Variants in TRAPPC11 observed in about 807,000 individuals in gnomAD.
TRAPPC11 encodes foie gras homolog.
A neutral mutation model predicts 151.2 loss-of-function variants in TRAPPC11; 104 were observed. The ratio of observed to expected loss-of-function variants is 0.69; its 90% CI spans 0.59 to 0.81. The LOEUF (loss-of-function observed/expected upper bound fraction) is 0.81. Among genes scored for constraint, TRAPPC11 ranks in the 30% least tolerant of loss-of-function variants. TRAPPC11 has a pLI of 0.00. For synonymous variants in TRAPPC11, 456 were observed against 472.3 expected (o/e 0.97, Z 0.45); for missense variants, 1,230 against 1,349.6 (o/e 0.91, Z 1.39).
chr4:183,668,000 C>T lies in TRAPPC11; in HGVS notation c.446-3C>T. 6.5e-7 allele frequency: 1 copy of T among 1,549,746 alleles called. No homozygotes were observed. Among genetic ancestry groups the T allele is most frequent in the Non-Finnish European group, 8.9e-7 (1 of 1,122,390 alleles). ...CATTCATCTTGATGGGGATTATCAA[C>T]AGGAGAAGATGTCATTGCTTCAGAA... On this transcript the variant is annotated splice_region_variant and splice_polypyrimidine_tract_variant and intron_variant, in intron 4 of 29. Coordinates refer to ENST00000334690, the MANE Select transcript of TRAPPC11 (RefSeq NM_021942.6).
At chr4:183,684,968 T>C in intron 15 of TRAPPC11, 116 bp from the exon 16 acceptor site, 11 of 1,289,840 alleles carry the variant, frequency 8.5e-6, no homozygotes, top group Non-Finnish European at 1.2e-5. Flanking sequence ...CAAATCACTG[T>C]GCTTAGTCAT....
Position 183,706,829 on chromosome 4 carries a change from CAG to C in TRAPPC11, c.3083_3084del (p.Glu1028ValfsTer11), listed in dbSNP as rs993274033. ...NADLPSFGRV[R>X]ESLPVKYHLQ... ...TAGATCTGCCGTCATTTGGGCGTGT[CAG>C]AGAGTCGTTACCTGTCAAGTATCAC... On this transcript the variant is annotated frameshift_variant, in exon 28 of 30. Coordinates refer to ENST00000334690, the MANE Select transcript of TRAPPC11 (RefSeq NM_021942.6). LOFTEE classifies it high-confidence loss of function. 2 of 1,613,432 alleles carry C rather than the reference CAG, an allele frequency of 1.2e-6. No individual in the cohort carries two copies. The highest frequency in any genetic ancestry group is 1.3e-5 in the African/African-American group (1 of 74,844).
chr4:183,662,001 C>G (rs1734576709), intron 1 of TRAPPC11, among the ~76,000 whole-genome samples: 1 of 151,910 alleles, frequency 6.6e-6, no homozygotes, highest in African/African-American at 2.4e-5. Flanking sequence ...CTGGCCTCAA[C>G]AATCCTCTGG....
chr4:183,706,864 A>G lies in TRAPPC11; in HGVS notation c.3113A>G (p.Asn1038Ser), dbSNP rs1221500337. Residue 1038 changes from asparagine (N) to serine (S), a missense_variant, in exon 28 of 30, where the codon AAT becomes AGT. Transcript: ENST00000334690. ...TTACCTGTCAAGTATCACCTACAGA[A>G]TAAGACCGACTTAGTTCAAGATGTA... is the stretch of plus-strand genomic sequence containing the variant. Reference protein sequence around the residue: ...ESLPVKYHLQNKTDLVQDVEI... With the variant: ...ESLPVKYHLQSKTDLVQDVEI... The G allele has an allele frequency of 6.2e-7, 1 of 1,614,154 alleles. No homozygotes were observed. Among genetic ancestry groups the G allele is most frequent in the South Asian group, 1.1e-5 (1 of 91,078 alleles).
rs762184184 is a variant in TRAPPC11 at position 183,706,788 on chromosome 4, GTGTCA to G, written c.3056-17_3056-13del. 6.2e-7 allele frequency: 1 copy of G among 1,603,810 alleles called. No individual in the cohort carries two copies. Among genetic ancestry groups the G allele is most frequent in the South Asian group, 1.1e-5 (1 of 89,674 alleles). ...AGCTATTTTTTAAACCAAGAGAAGT[GTGTCA>G]TCTTTCTCTGTAGATCTGCCGTCAT... On this transcript the variant is annotated splice_polypyrimidine_tract_variant and intron_variant, in intron 27 of 29. Transcript: ENST00000334690.
Position 183,712,720 on chromosome 4 carries a change from G to A in TRAPPC11, c.*76G>A. On this transcript the variant is annotated 3_prime_UTR_variant, in exon 30 of 30. Transcript: ENST00000334690. ...TGCAGGTGTTTCATTGTGAACTCTAGCTTTGATCATGGTAAAAAGTTAACC... is the reference window on the plus strand; with the variant it reads ...TGCAGGTGTTTCATTGTGAACTCTAACTTTGATCATGGTAAAAAGTTAACC... 1 of 1,440,292 alleles carries A rather than the reference G, an allele frequency of 6.9e-7. No homozygotes were observed. Among genetic ancestry groups the A allele is most frequent in the Non-Finnish European group, 9.7e-7 (1 of 1,027,104 alleles). 89.2% of individuals were successfully genotyped at this position (1,440,292 alleles called of 1,614,324 possible). A position where few individuals can be genotyped will look rare whatever the true frequency, so the allele number is the denominator to read the frequency against.
At position 183,712,003 on chromosome 4, in the gene TRAPPC11, TTCAA is replaced by T. The variant is rs1737361414; in HGVS notation, c.3358-593_3358-590del. Among the ~76,000 whole-genome samples the T allele has an allele frequency of 4.6e-5, 7 of 152,368 alleles. No homozygotes were observed. The South Asian group carries it at 1.4e-3, about 32-fold the overall frequency. On this transcript the variant is annotated intron_variant, in intron 29 of 29. Coordinates refer to ENST00000334690, the MANE Select transcript of TRAPPC11 (RefSeq NM_021942.6). Reference sequence around the variant, plus strand: ...TTTCTGACGTGATGTTTTAAATTCTTTCAATCAGTGATCTTAGAGATAGGGCAGT... The same window carrying T: ...TTTCTGACGTGATGTTTTAAATTCTTTCAGTGATCTTAGAGATAGGGCAGT...
intron 4 of TRAPPC11, among the ~76,000 whole-genome samples, chr4:183,667,724 T>G (rs1007556852): frequency 1.3e-5 from 2 of 152,224 alleles, no homozygotes; most frequent in African/African-American, 4.8e-5. Flanking sequence ...GTTTTAGTTA[T>G]GTTTTTTGAA....
At chr4:183,685,519 G>T in intron 17 of TRAPPC11, 116 bp downstream of exon 17, 1 of 1,225,962 alleles carries the variant, frequency 8.2e-7, no homozygotes, top group Non-Finnish European at 1.1e-6. Flanking sequence ...GTATAATCAT[G>T]TTATAGATAA....
intron 18 of TRAPPC11, among the ~76,000 whole-genome samples, chr4:183,688,888 C>T (rs1260153284): frequency 6.6e-6 from 1 of 152,112 alleles, no homozygotes; most frequent in Admixed American, 6.5e-5. Flanking sequence ...GCTGGGACTA[C>T]AGGCACATGC....
At chr4:183,706,090 A>ACC (rs1359700934) in intron 27 of TRAPPC11, 2 of 150,802 alleles carry the variant, frequency 1.3e-5, no homozygotes, top group Non-Finnish European at 2.9e-5. Context: ...ACACACACAC[A>ACC]CACACACACC....
At chr4:183,694,841 A>C in intron 23 of TRAPPC11, 118 bp downstream of exon 23, 1 of 1,012,998 alleles carries the variant, frequency 9.9e-7, no homozygotes, top group Non-Finnish European at 1.4e-6. Flanking sequence ...ATAGTCTGTT[A>C]TAAATTTTAA....
chr4:183,677,241 A>G (rs1735459454), intron 7 of TRAPPC11, among the ~76,000 whole-genome samples: 1 of 152,350 alleles, frequency 6.6e-6, no homozygotes, highest in African/African-American at 2.4e-5. Context: ...GACAGGAAGA[A>G]CAACGCACAT....
In TRAPPC11 at chr4:183,665,157, C is replaced by G. The variant is rs375636114; in HGVS notation, c.204+1086C>G. ...TCCCCGAGGCTGGAGTGCTGTGGCG[C>G]GATATCGGCTCACTGCAAGCTCCGC... On this transcript the variant is annotated intron_variant, in intron 2 of 29. Transcript: ENST00000334690. Among the ~76,000 whole-genome samples the G allele has an allele frequency of 6.5e-4, 92 of 141,346 alleles. 1 individual carries two copies. Among genetic ancestry groups the G allele is most frequent in the East Asian group, 3.1e-3 (15 of 4,806 alleles). 92.7% of individuals were successfully genotyped at this position (141,346 alleles called of 152,430 possible).
At chr4:183,664,184 T>C in intron 2 of TRAPPC11, 113 bp downstream of exon 2, 2 of 900,884 alleles carry the variant, frequency 2.2e-6, no homozygotes, top group Non-Finnish European at 1.7e-6. Flanking sequence ...GTCACAGTGG[T>C]GCATAAAGAA....
chr4:183,684,906 T>C, intron 15 of TRAPPC11, 65 bp downstream of exon 15: 1 of 1,482,286 alleles, frequency 6.7e-7, no homozygotes, highest in East Asian at 2.4e-5. Context: ...TTAAGCTTTT[T>C]AAAATTTAAA....
chr4:183,698,032 C>G (rs1482642027), intron 25 of TRAPPC11, among the ~76,000 whole-genome samples, 197 bp downstream of exon 25: 1 of 152,046 alleles, frequency 6.6e-6, no homozygotes, highest in Admixed American at 6.5e-5. Flanking sequence ...TTGAGTATAC[C>G]TGATTTTAAA....
At chr4:183,711,894 A>G (rs541562961) in intron 29 of TRAPPC11, among the ~76,000 whole-genome samples, 54 of 152,250 alleles carry the variant, frequency 3.5e-4, no homozygotes, top group Non-Finnish European at 7.1e-4. Flanking sequence ...GCTACTAGCT[A>G]TCCCTCTGGG....
In TRAPPC11 at chr4:183,691,316, G is replaced by A; in HGVS notation, c.1894G>A (p.Glu632Lys). ...GATGACCCCTGTTCACCTTTTTCAG[G>A]AATACAACCAGTTCTGTGTAATAGA... ...SKLCVSFNNQ[E>K]YNQFCVIEEA... The change falls in exon 19 of 30, where the codon GAA becomes AAA. Residue 632 changes from glutamate to lysine, a missense_variant and splice_region_variant. Glu to Lys is a moderately conservative substitution (Grantham distance 56, BLOSUM62 1). Coordinates refer to ENST00000334690, the MANE Select transcript of TRAPPC11 (RefSeq NM_021942.6). 2 of 1,489,192 alleles carry A rather than the reference G, an allele frequency of 1.3e-6. No individual in the cohort carries two copies. Among genetic ancestry groups the A allele is most frequent in the Non-Finnish European group, 1.8e-6 (2 of 1,107,354 alleles). 92.2% of individuals were successfully genotyped at this position (1,489,192 alleles called of 1,614,324 possible).
Sources: allele counts gnomAD v4.1 joint callset (sites outside exome capture counted in the v4.1 genomes callset), GRCh38; gene constraint gnomAD v4.1.1; transcripts MANE v1.5; gene names NCBI Gene and HGNC (gene_info 2026-07-23, HGNC 2026-07-21).